Variants in FRMD4A observed in about 807,000 individuals in gnomAD.
FRMD4A encodes the protein FERM domain-containing protein 4A.
Under a neutral mutation model 129.1 loss-of-function variants are expected in FRMD4A, and 29 were observed. The observed-to-expected ratio is 0.22, with a 90% confidence interval of 0.17 to 0.31. The LOEUF (loss-of-function observed/expected upper bound fraction) is 0.31. Among genes scored for constraint, FRMD4A ranks in the 10% least tolerant of loss-of-function variants. The pLI is 1.00. For missense variants in FRMD4A, 1,272 were observed against 1,375.8 expected, an observed-to-expected ratio of 0.92 and a Z score of 1.19; for synonymous variants, 634 against 571.6, an observed-to-expected ratio of 1.11 and a Z score of -1.56.
At chr10:14,182,487 C>T (rs534483920) in intron 2 of FRMD4A, among the ~76,000 whole-genome samples, 2 of 152,314 alleles carry the variant, frequency 1.3e-5, no homozygotes, top group Admixed American at 1.3e-4. Flanking sequence ...TTTGAGGCTG[C>T]AGTGATCTCT....
At chr10:14,153,853 A>G (rs1414653464) in intron 2 of FRMD4A, among the ~76,000 whole-genome samples, 1 of 152,124 alleles carries the variant, frequency 6.6e-6, no homozygotes, top group Non-Finnish European at 1.5e-5. Flanking sequence ...ATTATTAATC[A>G]ATCAATCGTT....
rs778841691 is a variant in FRMD4A, at chr10:13,657,364, T to C, written c.2225A>G (p.Asp742Gly). 1.9e-6 allele frequency: 3 copies of C among 1,610,420 alleles called. No homozygotes were observed. Among genetic ancestry groups the C allele is most frequent in the East Asian group, 2.2e-5 (1 of 44,778 alleles). The stretch of plus-strand genomic sequence containing the variant: ...GCACGACGAGCAGTCGTCCATGGGG[T>C]CTGAGCCGTTGCTGCTACGAGTCCG... ...TPRTRSSNGSDPMDDCSSCTS... is the reference protein window; with the variant it reads ...TPRTRSSNGSGPMDDCSSCTS... The change falls in exon 22 of 25, where the codon GAC becomes GGC. Residue 742 changes from aspartate (D) to glycine (G), a missense_variant. Transcript: ENST00000357447.
intron 2 of FRMD4A, among the ~76,000 whole-genome samples, chr10:13,909,895 G>C (rs1456927843): frequency 2.6e-5 from 4 of 152,160 alleles, no homozygotes; most frequent in African/African-American, 9.7e-5. Context: ...CTTTGTTATA[G>C]ACATGGCCAA....
At chr10:14,167,974 A>T (rs1244380735) in intron 2 of FRMD4A, among the ~76,000 whole-genome samples, 1 of 152,232 alleles carries the variant, frequency 6.6e-6, no homozygotes, top group Non-Finnish European at 1.5e-5. Flanking sequence ...GCCTTTTGGC[A>T]CAAATGCATG....
rs139873793 is a variant in FRMD4A at position 14,162,987 on chromosome 10, A to G, written c.45+167071T>C. Among the ~76,000 whole-genome samples, 283 of 152,326 alleles carry G rather than the reference A, an allele frequency of 1.9e-3. 2 individuals are homozygous for G. The highest frequency in any genetic ancestry group is 6.6e-3 in the African/African-American group (276 of 41,570). ...GAATCTCTTTCACATTAAGTTTGAAAGTAAATGACAGCTGCACACACAGGC... is the reference window on the plus strand; with the variant it reads ...GAATCTCTTTCACATTAAGTTTGAAGGTAAATGACAGCTGCACACACAGGC... On this transcript the variant is annotated intron_variant, in intron 2 of 24. Coordinates refer to ENST00000357447, the MANE Select transcript of FRMD4A (RefSeq NM_018027.5).
intron 2 of FRMD4A, among the ~76,000 whole-genome samples, chr10:13,882,134 T>C (rs1078535): frequency 0.024 from 3,614 of 151,888 alleles, 178 homozygotes; most frequent in African/African-American, 0.083. Context: ...CTACGAAGAA[T>C]GCAGGGTGCT....
chr10:13,891,504 C>A (rs1283367183), intron 2 of FRMD4A: 1 of 655,110 alleles, frequency 1.5e-6, no homozygotes, highest in African/African-American at 2.0e-5. Context: ...CGACTCCAGG[C>A]CCCCAGTAAA....
At chr10:14,148,553 G>A (rs146369174) in intron 2 of FRMD4A, among the ~76,000 whole-genome samples, 1,952 of 152,268 alleles carry the variant, frequency 0.013, 40 homozygotes, top group African/African-American at 0.045. Flanking sequence ...CACAAGGTCA[G>A]GAGTTCGAGA....
intron 5 of FRMD4A, among the ~76,000 whole-genome samples, chr10:13,787,262 G>A (rs1328653153): frequency 6.6e-6 from 1 of 152,160 alleles, no homozygotes; most frequent in African/African-American, 2.4e-5. Flanking sequence ...TGTTCTGTTA[G>A]GGGAGGGTAT....
chr10:14,152,110 T>C (rs1230157926), intron 2 of FRMD4A, among the ~76,000 whole-genome samples: 1 of 146,370 alleles, frequency 6.8e-6, no homozygotes, highest in African/African-American at 2.5e-5. Context: ...GATATGTTTG[T>C]GTAGTGCTTT....
At chr10:13,797,246 TC>T (rs1029111203) in intron 4 of FRMD4A, among the ~76,000 whole-genome samples, 1 of 152,202 alleles carries the variant, frequency 6.6e-6, no homozygotes, top group African/African-American at 2.4e-5. Context: ...GTGCCTTTTT[TC>T]CTGAAGGACT....
chr10:13,914,530 TA>T (rs2094978088), intron 2 of FRMD4A, among the ~76,000 whole-genome samples: 1 of 152,212 alleles, frequency 6.6e-6, no homozygotes, highest in African/African-American at 2.4e-5. Context: ...TATGTACTGA[TA>T]AATACTTTTA....
intron 6 of FRMD4A, among the ~76,000 whole-genome samples, chr10:13,763,074 C>T (rs1045498602): frequency 6.6e-6 from 1 of 152,156 alleles, no homozygotes; most frequent in African/African-American, 2.4e-5. Flanking sequence ...TGAGACCACA[C>T]CCTGAATTAT....
chr10:14,285,493 G>A (rs980342921), intron 2 of FRMD4A, among the ~76,000 whole-genome samples: 1 of 152,214 alleles, frequency 6.6e-6, no homozygotes, highest in African/African-American at 2.4e-5. Flanking sequence ...CCTGCCCATG[G>A]AGGCATGTGG....
chr10:13,660,159 A>AG (rs2082524704), intron 20 of FRMD4A, among the ~76,000 whole-genome samples, 157 bp downstream of exon 20: 1 of 152,222 alleles, frequency 6.6e-6, no homozygotes, highest in South Asian at 2.1e-4. Context: ...TCGGCAGCAG[A>AG]GGGCGCTGTG....
At chr10:14,312,987 G>T (rs1299154894) in intron 2 of FRMD4A, among the ~76,000 whole-genome samples, 2 of 152,228 alleles carry the variant, frequency 1.3e-5, no homozygotes, top group East Asian at 3.8e-4. Context: ...TAAGAATCTG[G>T]AGTAGTAAGG....
At chr10:13,912,391 A>G (rs534957131) in intron 2 of FRMD4A, among the ~76,000 whole-genome samples, 3 of 152,348 alleles carry the variant, frequency 2.0e-5, no homozygotes, top group Non-Finnish European at 4.4e-5. Context: ...AAATGGAAAC[A>G]TATATCCACA....
intron 2 of FRMD4A, among the ~76,000 whole-genome samples, chr10:14,306,601 A>G (rs1337135124): frequency 6.6e-6 from 1 of 152,208 alleles, no homozygotes; most frequent in Non-Finnish European, 1.5e-5. Context: ...CATTTTCTCC[A>G]TGGAAAAGAG....
chr10:14,195,076 G>A (rs1297075936), intron 2 of FRMD4A, among the ~76,000 whole-genome samples: 1 of 152,036 alleles, frequency 6.6e-6, no homozygotes, highest in Non-Finnish European at 1.5e-5. Context: ...TATTCTCAGG[G>A]TAGGCTCACA....
Sources: allele counts gnomAD v4.1 joint callset (sites outside exome capture counted in the v4.1 genomes callset), GRCh38; gene constraint gnomAD v4.1.1; transcripts MANE v1.5; gene names NCBI Gene and HGNC (gene_info 2026-07-23, HGNC 2026-07-21).